Variants in DYNC1I1 observed in about 807,000 individuals in gnomAD.
DYNC1I1 encodes dynein cytoplasmic 1 intermediate chain 1.
A neutral mutation model predicts 86.6 loss-of-function variants in DYNC1I1; 43 were observed. The observed-to-expected ratio is 0.50, with a 90% CI of 0.39 to 0.64. DYNC1I1 has a LOEUF of 0.64. Among genes scored for constraint, DYNC1I1 ranks in the 30% least tolerant of loss-of-function variants. The pLI is 0.00. For missense variants in DYNC1I1, 604 were observed against 788.8 expected (o/e 0.77, Z 2.81); for synonymous variants, 262 against 283.7 (o/e 0.92, Z 0.77).
At chr7:96,024,046 C>T (rs1434793828) in intron 10 of DYNC1I1, among the ~76,000 whole-genome samples, 1 of 152,102 alleles carries the variant, frequency 6.6e-6, no homozygotes, top group Non-Finnish European at 1.5e-5. Flanking sequence ...TCAGTCTTAC[C>T]AGTTTTTCAT....
At chr7:95,928,016 C>T (rs1042906983) in intron 6 of DYNC1I1, among the ~76,000 whole-genome samples, 3 of 152,184 alleles carry the variant, frequency 2.0e-5, no homozygotes, top group East Asian at 1.9e-4. Context: ...TGGAAGCCTG[C>T]GCCCTGCCAG....
chr7:95,881,525 G>A (rs1415071657), intron 6 of DYNC1I1, among the ~76,000 whole-genome samples: 3 of 152,180 alleles, frequency 2.0e-5, no homozygotes, highest in Admixed American at 1.3e-4. Context: ...CCTTTCCTTT[G>A]CCTAAAGGAA....
chr7:96,042,469 A>AG (rs35729456), intron 14 of DYNC1I1, among the ~76,000 whole-genome samples: 1 of 152,160 alleles, frequency 6.6e-6, no homozygotes, highest in Non-Finnish European at 1.5e-5. Flanking sequence ...CAAGGAAACC[A>AG]GGGATCCCAG....
chr7:96,059,335 A>G (rs1480294163), intron 14 of DYNC1I1, among the ~76,000 whole-genome samples: 1 of 152,124 alleles, frequency 6.6e-6, no homozygotes, highest in Non-Finnish European at 1.5e-5. Context: ...TGCAAAAACC[A>G]TGGCACCAAA....
chr7:95,886,764 G>A (rs1790604065), intron 6 of DYNC1I1, among the ~76,000 whole-genome samples: 1 of 152,148 alleles, frequency 6.6e-6, no homozygotes, highest in South Asian at 2.1e-4. Context: ...AACACAATAG[G>A]CAAAAAGACA....
At position 96,071,638 on chromosome 7, in the gene DYNC1I1, A is replaced by G. The variant is rs192563014; in HGVS notation, c.1510-4419A>G. 1.8e-4 allele frequency among the ~76,000 whole-genome samples: 28 copies of G among 152,290 alleles called. No homozygotes were observed. The East Asian group carries it at 4.8e-3, about 26-fold the overall frequency. On this transcript the variant is annotated intron_variant, in intron 14 of 16. Transcript: ENST00000447467. Reference sequence around the variant, plus strand: ...GCCTGCTGTTCATCTTTACTGTCTAAAGGACCATTCCTGTACTTTTTCTAG... The same window carrying G: ...GCCTGCTGTTCATCTTTACTGTCTAGAGGACCATTCCTGTACTTTTTCTAG...
At chr7:95,849,444 G>C (rs1408757522) in intron 5 of DYNC1I1, among the ~76,000 whole-genome samples, 1 of 152,122 alleles carries the variant, frequency 6.6e-6, no homozygotes, top group Non-Finnish European at 1.5e-5. Flanking sequence ...TGGATATCCA[G>C]TTTTCCAACA....
intron 10 of DYNC1I1, among the ~76,000 whole-genome samples, chr7:96,016,219 C>A (rs1441824695): frequency 6.6e-6 from 1 of 151,424 alleles, no homozygotes; most frequent in Non-Finnish European, 1.5e-5. Flanking sequence ...CCAACTGATT[C>A]TGTGTACTGT....
chr7:96,052,269 G>A (rs1168378384), intron 14 of DYNC1I1, among the ~76,000 whole-genome samples: 1 of 152,056 alleles, frequency 6.6e-6, no homozygotes, highest in Non-Finnish European at 1.5e-5. Flanking sequence ...CTGAGGTTAA[G>A]CTTTAAAAAT....
In DYNC1I1 at chr7:96,009,278, G is replaced by A. The variant is rs143622734; in HGVS notation, c.969+13205G>A. Among the ~76,000 whole-genome samples the A allele has an allele frequency of 1.2e-3, 180 of 152,304 alleles. 1 individual carries two copies. Among genetic ancestry groups the A allele is most frequent in the Non-Finnish European group, 2.2e-3 (148 of 68,026 alleles). On this transcript the variant is annotated intron_variant, in intron 10 of 16. Transcript: ENST00000447467. The stretch of plus-strand genomic sequence containing the variant: ...CCAATGACTGCCCGTGAAGCTAAAA[G>A]CAGCTTGCAATGACTCCAGCACTCA...
At chr7:95,789,094 AT>A (rs1794223098) in intron 1 of DYNC1I1, among the ~76,000 whole-genome samples, 1 of 152,216 alleles carries the variant, frequency 6.6e-6, no homozygotes, top group Non-Finnish European at 1.5e-5. Context: ...AAAAATACAC[AT>A]GAGTATCAGA....
intron 14 of DYNC1I1, among the ~76,000 whole-genome samples, chr7:96,046,349 T>G (rs1789215648): frequency 6.6e-6 from 1 of 152,178 alleles, no homozygotes; most frequent in Non-Finnish European, 1.5e-5. Context: ...GGAAGATGAA[T>G]TTGTGTGGGG....
chr7:95,970,326 G>A (rs1438934811), intron 6 of DYNC1I1, among the ~76,000 whole-genome samples: 3 of 152,144 alleles, frequency 2.0e-5, no homozygotes, highest in Non-Finnish European at 4.4e-5. Context: ...CCCTCCTGCA[G>A]CCTCCACGTT....
chr7:95,955,325 T>A (rs1019066416), intron 6 of DYNC1I1, among the ~76,000 whole-genome samples: 3 of 152,074 alleles, frequency 2.0e-5, no homozygotes, highest in African/African-American at 7.2e-5. Context: ...ATTTATTTTA[T>A]GAATTTTTTT....
At chr7:95,809,533 A>G (rs2115823359) in intron 2 of DYNC1I1, among the ~76,000 whole-genome samples, 1 of 152,328 alleles carries the variant, frequency 6.6e-6, no homozygotes, top group Admixed American at 6.5e-5. Context: ...TATCTTAAGT[A>G]ATAACTGTAT....
downstream of DYNC1I1, chr7:96,110,143 A>G (rs530521995): frequency 5.3e-5 from 22 of 415,874 alleles, no homozygotes; most frequent in Non-Finnish European, 9.5e-5. Flanking sequence ...TGGAAGTATA[A>G]TTGTGGATAT....
chr7:95,785,771 A>ATGTGTG lies in DYNC1I1; in HGVS notation c.-10+13003_-10+13004insGTGTGT, dbSNP rs1171274586. 4.3e-3 allele frequency among the ~76,000 whole-genome samples: 225 copies of ATGTGTG among 52,718 alleles called. 1 individual carries two copies. Among genetic ancestry groups the ATGTGTG allele is most frequent in the Non-Finnish European group, 7.0e-3 (173 of 24,884 alleles). 34.6% of individuals were successfully genotyped at this position (52,718 alleles called of 152,430 possible). ...TGTGTGTATGTATATATATGTGTGTATGTGTATATATATATATATATATAT... is the reference window on the plus strand; with the variant it reads ...TGTGTGTATGTATATATATGTGTGTATGTGTGTGTGTATATATATATATATATATAT... On this transcript the variant is annotated intron_variant, in intron 1 of 16. Coordinates refer to ENST00000447467, the MANE Select transcript of DYNC1I1 (RefSeq NM_001135556.2).
At chr7:95,866,136 G>C (rs893937089) in intron 5 of DYNC1I1, among the ~76,000 whole-genome samples, 8 of 152,186 alleles carry the variant, frequency 5.3e-5, no homozygotes, top group Non-Finnish European at 1.0e-4. Context: ...TTAACTTAGA[G>C]AAATCCCTAA....
intron 16 of DYNC1I1, among the ~76,000 whole-genome samples, chr7:96,093,008 G>T (rs1052340148): frequency 6.6e-6 from 1 of 151,988 alleles, no homozygotes; most frequent in African/African-American, 2.4e-5. Context: ...TCCCTATACT[G>T]TCCTCTCCTA....
Sources: gnomAD v4.1 joint callset for allele counts (sites outside exome capture counted in the v4.1 genomes callset) on GRCh38, gnomAD v4.1.1 for gene constraint, MANE v1.5 for transcripts, NCBI Gene and HGNC (gene_info 2026-07-23, HGNC 2026-07-21) for gene names.